GRIN2A: variants seen among roughly 807,000 people sequenced by gnomAD.
GRIN2A encodes glutamate ionotropic receptor NMDA type subunit 2A, also known as glutamate receptor ionotropic, NMDA 2A.
A neutral mutation model predicts 113.4 loss-of-function variants in GRIN2A; 22 were observed. The ratio of observed to expected loss-of-function variants is 0.19; its 90% CI spans 0.14 to 0.28. GRIN2A has a LOEUF of 0.28. Among genes scored for constraint, GRIN2A ranks in the 10% least tolerant of loss-of-function variants. The pLI is 1.00. For synonymous variants in GRIN2A, 827 were observed against 738.4 expected (o/e 1.12, Z -1.94); for missense variants, 1,502 against 1,887.0 (o/e 0.80, Z 3.78).
chr16:10,111,825 C>T (rs1172462062), intron 2 of GRIN2A: 5 of 1,256,888 alleles, frequency 4.0e-6, no homozygotes, highest in African/African-American at 1.5e-5. Flanking sequence ...CTGAGATGGG[C>T]ACCATGGGGA....
At chr16:9,849,733 G>A in intron 5 of GRIN2A, 23 bp downstream of exon 5, 1 of 1,584,366 alleles carries the variant, frequency 6.3e-7, no homozygotes, top group Non-Finnish European at 8.7e-7. Context: ...GCACGTTCAG[G>A]TGACAGCATT....
chr16:10,140,150 C>T (rs1449043419), intron 2 of GRIN2A, among the ~76,000 whole-genome samples: 1 of 152,060 alleles, frequency 6.6e-6, no homozygotes, highest in Non-Finnish European at 1.5e-5. Context: ...AGTGTAGTTC[C>T]ACTGGTTACC....
chr16:9,984,319 G>A (rs531637443), intron 2 of GRIN2A, among the ~76,000 whole-genome samples: 1 of 151,956 alleles, frequency 6.6e-6, no homozygotes, highest in East Asian at 1.9e-4. Flanking sequence ...TCATTCTGCA[G>A]GTTGTCTCTT....
At chr16:10,169,105 C>T (rs1447342534) in intron 2 of GRIN2A, among the ~76,000 whole-genome samples, 1 of 151,990 alleles carries the variant, frequency 6.6e-6, no homozygotes, top group Non-Finnish European at 1.5e-5. Flanking sequence ...TATCTGAACA[C>T]TTCTCCCATA....
chr16:9,858,680 T>C (rs1238734607), intron 4 of GRIN2A, among the ~76,000 whole-genome samples: 1 of 152,222 alleles, frequency 6.6e-6, no homozygotes, highest in East Asian at 1.9e-4. Flanking sequence ...AACTAATTGC[T>C]CTTCAGCTCC....
chr16:9,836,886 C>A (rs1013658842), intron 7 of GRIN2A, among the ~76,000 whole-genome samples: 1 of 152,156 alleles, frequency 6.6e-6, no homozygotes, highest in Non-Finnish European at 1.5e-5. Context: ...GTCAGCATTT[C>A]TTTGGATCAA....
At chr16:10,147,257 T>C (rs1053408430) in intron 2 of GRIN2A, among the ~76,000 whole-genome samples, 1 of 151,940 alleles carries the variant, frequency 6.6e-6, no homozygotes. Context: ...GTCTGGCCCA[T>C]AACGTCACGT....
intron 2 of GRIN2A, among the ~76,000 whole-genome samples, chr16:9,970,070 G>GA (rs2141733841): frequency 6.6e-6 from 1 of 152,356 alleles, no homozygotes; most frequent in Non-Finnish European, 1.5e-5. Flanking sequence ...TGACGTCAAA[G>GA]AAATCTCGAG....
At position 9,762,413 on chromosome 16, in the gene GRIN2A, A is replaced by G. The variant is rs1900625007; in HGVS notation, c.*736T>C. On this transcript the variant is annotated 3_prime_UTR_variant, in exon 13 of 13. Transcript: ENST00000330684. ...ACCATCGAAGCCGAGGGTGAGAGAAACACACATCAACATCCAAAGAGATTC... is the reference window on the plus strand; with the variant it reads ...ACCATCGAAGCCGAGGGTGAGAGAAGCACACATCAACATCCAAAGAGATTC... The G allele has an allele frequency of 4.4e-6, 1 of 225,412 alleles. No individual in the cohort carries two copies. Among genetic ancestry groups the G allele is most frequent in the African/African-American group, 2.2e-5 (1 of 44,822 alleles). The allele number at this position is 225,412 out of a possible 1,614,324, so 14.0% of individuals were successfully genotyped here.
intron 10 of GRIN2A, among the ~76,000 whole-genome samples, chr16:9,813,411 G>A (rs945881435): frequency 6.6e-6 from 1 of 152,020 alleles, no homozygotes; most frequent in African/African-American, 2.4e-5. Context: ...GTAATACTGT[G>A]TTGCTGAAAA....
intron 4 of GRIN2A, 32 bp downstream of exon 4, chr16:9,890,954 C>G: frequency 7.5e-7 from 1 of 1,326,824 alleles, no homozygotes. Flanking sequence ...TTTCTTCCCT[C>G]CCCTGCATTC....
chr16:9,858,819 TA>T (rs1371141848), intron 4 of GRIN2A, among the ~76,000 whole-genome samples: 1 of 152,186 alleles, frequency 6.6e-6, no homozygotes, highest in Non-Finnish European at 1.5e-5. Context: ...TATGTCCGGA[TA>T]AATTCAGAGG....
At chr16:9,811,486 T>C (rs919740312) in intron 10 of GRIN2A, among the ~76,000 whole-genome samples, 1 of 152,114 alleles carries the variant, frequency 6.6e-6, no homozygotes, top group Admixed American at 6.6e-5. Context: ...GGGCCAGGTG[T>C]GGTGGCTCAT....
chr16:10,022,245 G>T (rs1164887332), intron 2 of GRIN2A, among the ~76,000 whole-genome samples: 2 of 152,026 alleles, frequency 1.3e-5, no homozygotes, highest in African/African-American at 4.8e-5. Flanking sequence ...TTGATTTCCA[G>T]CTCAGCCTTA....
intron 2 of GRIN2A, among the ~76,000 whole-genome samples, chr16:10,171,987 C>T (rs578014534): frequency 3.9e-5 from 6 of 152,324 alleles, no homozygotes; most frequent in East Asian, 3.9e-4. Context: ...ATATTAACCA[C>T]TTGATAATGA....
chr16:9,775,083 A>G (rs1315416691), intron 11 of GRIN2A, among the ~76,000 whole-genome samples: 1 of 152,218 alleles, frequency 6.6e-6, no homozygotes, highest in African/African-American at 2.4e-5. Context: ...CAAACTTCCC[A>G]AGTACCTCTC....
chr16:10,125,438 C>T (rs1161321121), intron 2 of GRIN2A, among the ~76,000 whole-genome samples: 5 of 152,088 alleles, frequency 3.3e-5, no homozygotes, highest in South Asian at 2.1e-4. Context: ...AGTGAGTAGA[C>T]CATTCCTCCA....
rs151146394 is a variant in GRIN2A at position 10,073,477 on chromosome 16, C to A, written c.414+106521G>T. ...CTGAAGTCCTGGCTCAATGGAATCA[C>A]TTCTTCCCTCTCAGCCTGACAAAGC... On this transcript the variant is annotated intron_variant, in intron 2 of 12. Transcript: ENST00000330684. Among the ~76,000 whole-genome samples the A allele has an allele frequency of 2.4e-3, 361 of 152,248 alleles. 2 individuals carry two copies. Among genetic ancestry groups the A allele is most frequent in the Non-Finnish European group, 3.1e-3 (210 of 68,022 alleles).
intron 2 of GRIN2A, among the ~76,000 whole-genome samples, chr16:9,949,198 C>T (rs1249646213): frequency 1.3e-5 from 2 of 152,228 alleles, no homozygotes; most frequent in African/African-American, 2.4e-5. Context: ...CTCCATGCAA[C>T]CAGATTAATG....
Sources: gnomAD v4.1 joint callset for allele counts (sites outside exome capture counted in the v4.1 genomes callset) on GRCh38, gnomAD v4.1.1 for gene constraint, MANE v1.5 for transcripts, NCBI Gene and HGNC (gene_info 2026-07-23, HGNC 2026-07-21) for gene names.